RPL8: variants seen among roughly 807,000 people sequenced by gnomAD.
RPL8 encodes the protein ribosomal protein L8, also known as large ribosomal subunit protein uL2.
For missense variants in RPL8, 248 were observed against 365.9 expected (o/e 0.68, Z 2.63); for synonymous variants, 182 against 143.2 (o/e 1.27, Z -1.94).
chr8:144,790,023 G>A (rs569958925), intron 4 of RPL8, 61 bp from the exon 5 acceptor site: 100 of 1,515,404 alleles, frequency 6.6e-5, no homozygotes, highest in Non-Finnish European at 7.2e-5. Flanking sequence ...CCCCGGCCTC[G>A]GGGTCCCACC....
Position 144,791,232 on chromosome 8 carries a change from T to G in RPL8, c.499+45A>C, listed in dbSNP as rs757417339. 1.7e-5 allele frequency: 27 copies of G among 1,580,674 alleles called. No individual in the cohort carries two copies. In the Admixed American group the frequency reaches 2.5e-4, roughly 15 times the overall value. On this transcript the variant is annotated intron_variant, in intron 3 of 4. Coordinates refer to ENST00000528957, the MANE Select transcript of RPL8 (RefSeq NM_001317782.2). Reference sequence around the variant, plus strand: ...TGGCTGTCCACCGGCACTCACAGCATGTTCACCCACAGCCCTCAGCATTCA... The same window carrying G: ...TGGCTGTCCACCGGCACTCACAGCAGGTTCACCCACAGCCCTCAGCATTCA...
Position 144,791,813 on chromosome 8 carries a change from C to T in RPL8, c.240G>A (p.Glu80=). ...KKRTELFIAA[E]GIHTGQFVYC... Reference sequence around the variant, plus strand: ...ACACAAACTGGCCCGTGTGAATGCCCTCGGCGGCAATGAACAGCTCCGTCC... The same window carrying T: ...ACACAAACTGGCCCGTGTGAATGCCTTCGGCGGCAATGAACAGCTCCGTCC... Residue 80 remains glutamate, a synonymous_variant, in exon 2 of 5, where the codon GAG becomes GAA. Coordinates refer to ENST00000528957, the MANE Select transcript of RPL8 (RefSeq NM_001317782.2). 1 of 1,614,024 alleles carries T rather than the reference C, an allele frequency of 6.2e-7. No individual in the cohort carries two copies. The highest frequency in any genetic ancestry group is 8.5e-7 in the Non-Finnish European group (1 of 1,180,040).
In RPL8 at chr8:144,792,217, C is replaced by A; in HGVS notation, c.-88G>T. On this transcript the variant is annotated 5_prime_UTR_variant, in exon 1 of 5. Transcript: ENST00000528957. Reference sequence around the variant, plus strand: ...GCCCGGCTTTCCGGGACCCCGCCCCCGAGGCCGCCGCGCCCACCACTCCCT... The same window carrying A: ...GCCCGGCTTTCCGGGACCCCGCCCCAGAGGCCGCCGCGCCCACCACTCCCT... 2 of 1,388,746 alleles carry A rather than the reference C, an allele frequency of 1.4e-6. No individual in the cohort carries two copies. Among genetic ancestry groups the A allele is most frequent in the South Asian group, 1.6e-5 (1 of 62,608 alleles). The allele number at this position is 1,388,746 out of a possible 1,614,324, so 86.0% of individuals were successfully genotyped here.
chr8:144,791,662 C>T, intron 2 of RPL8, 111 bp downstream of exon 2: 1 of 1,554,596 alleles, frequency 6.4e-7, no homozygotes, highest in South Asian at 1.2e-5. Flanking sequence ...CGGATGTCCC[C>T]ACCTGAAGCT....
chr8:144,790,913 T>C (rs1415380021), intron 3 of RPL8: 1 of 468,710 alleles, frequency 2.1e-6, no homozygotes, highest in Non-Finnish European at 4.1e-6. Flanking sequence ...TAGACTCAAA[T>C]CCTTTTTCAC....
rs1431000477 is a variant in RPL8, at chr8:144,791,492, T to C, written c.284A>G (p.Gln95Arg). 6.2e-7 allele frequency: 1 copy of C among 1,613,490 alleles called. No homozygotes were observed. ...AGGGAGCACATTGCCAATGTTGAGC[T>C]GGGCTGCAAGGGGAAGCAGCATCAG... is the stretch of plus-strand genomic sequence containing the variant. ...GQFVYCGKKA[Q>R]LNIGNVLPVG... Residue 95 changes from glutamine to arginine, a missense_variant, in exon 3 of 5, where the codon CAG (glutamine) becomes CGG (arginine). Coordinates refer to ENST00000528957, the MANE Select transcript of RPL8 (RefSeq NM_001317782.2).
Position 144,791,295 on chromosome 8 carries a change from C to A in RPL8, c.481G>T (p.Ala161Ser). ...TACTCACCAACCACAGCTCTGTTGG[C>A]TGAGGAGATAACCTTCTTGGAGCCG... is the stretch of plus-strand genomic sequence containing the variant. ...PSGSKKVISS[A>S]NRAVVGVVAG... The change falls in exon 3 of 5, where the codon GCC (alanine) becomes TCC (serine). Residue 161 changes from alanine to serine, a missense_variant. By Grantham distance (99) the Ala-to-Ser change is moderately conservative. Coordinates refer to ENST00000528957, the MANE Select transcript of RPL8 (RefSeq NM_001317782.2). 1 of 1,611,684 alleles carries A rather than the reference C, an allele frequency of 6.2e-7. No homozygotes were observed. Among genetic ancestry groups the A allele is most frequent in the Non-Finnish European group, 8.5e-7 (1 of 1,179,864 alleles).
At position 144,792,175 on chromosome 8, in the gene RPL8, C is replaced by G; in HGVS notation, c.-46G>C. 1 of 1,440,434 alleles carries G rather than the reference C, an allele frequency of 6.9e-7. No homozygotes were observed. Among genetic ancestry groups the G allele is most frequent in the Non-Finnish European group, 9.0e-7 (1 of 1,105,692 alleles). The allele number at this position is 1,440,434 out of a possible 1,614,324, so 89.2% of individuals were successfully genotyped here. ...ACTCACGATTAGCGCGGCCGGGCGG[C>G]CCGGGTACCCCCGCCAGCCCGGCTT... is the stretch of plus-strand genomic sequence containing the variant. On this transcript the variant is annotated 5_prime_UTR_variant, in exon 1 of 5. Coordinates refer to ENST00000528957, the MANE Select transcript of RPL8 (RefSeq NM_001317782.2).
At position 144,791,504 on chromosome 8, in the gene RPL8, G is replaced by A. The variant is rs753836646; in HGVS notation, c.281-9C>T. On this transcript the variant is annotated splice_polypyrimidine_tract_variant and intron_variant, in intron 2 of 4. Transcript: ENST00000528957. ...GCCAATGTTGAGCTGGGCTGCAAGG[G>A]GAAGCAGCATCAGGCCGTCAGCACA... The A allele has an allele frequency of 2.2e-5, 36 of 1,612,590 alleles. No homozygotes were observed. The highest frequency in any genetic ancestry group is 1.1e-4 in the African/African-American group (8 of 74,882).
rs761419862 is a variant in RPL8 at position 144,792,067 on chromosome 8, C to A, written c.63G>T (p.Lys21Asn). ...GCAGGCGCGCAGCGCCTTTACGGTG[C>A]TTCACGTGCGCGCGGAACACAGACC... ...GAGSVFRAHV[K>N]HRKGAARLRA... The change falls in exon 1 of 5, where the codon AAG becomes AAT. Residue 21 changes from lysine (K) to asparagine (N), a missense_variant. Physicochemically the swap from Lys to Asn is moderately conservative, Grantham distance 94. Coordinates refer to ENST00000528957, the MANE Select transcript of RPL8 (RefSeq NM_001317782.2). 4 of 1,606,882 alleles carry A rather than the reference C, an allele frequency of 2.5e-6. No individual in the cohort carries two copies. Among genetic ancestry groups the A allele is most frequent in the East Asian group, 4.5e-5 (2 of 44,792 alleles).
rs1185291300 is a variant in RPL8 at position 144,791,512 on chromosome 8, CATCAGGCCGTCAGCACAGTAAGAAACA to C, written c.281-44_281-18del. Reference sequence around the variant, plus strand: ...TGAGCTGGGCTGCAAGGGGAAGCAGCATCAGGCCGTCAGCACAGTAAGAAACAATGCGAACCCCCTCGCTCTAGGCAA... The same window carrying C: ...TGAGCTGGGCTGCAAGGGGAAGCAGCATGCGAACCCCCTCGCTCTAGGCAA... On this transcript the variant is annotated intron_variant, in intron 2 of 4. Transcript: ENST00000528957. The C allele has an allele frequency of 3.7e-6, 6 of 1,611,620 alleles. No individual in the cohort carries two copies. The highest frequency in any genetic ancestry group is 1.6e-4 in the Middle Eastern group (1 of 6,070).
intron 2 of RPL8, 52 bp downstream of exon 2, chr8:144,791,721 A>C: frequency 6.2e-7 from 1 of 1,610,390 alleles, no homozygotes; most frequent in Non-Finnish European, 8.5e-7. Context: ...CTCCTCAGGC[A>C]ACACCCAGAC....
Position 144,792,334 on chromosome 8 carries a change from GC to G in RPL8, c.-206del. The G allele has an allele frequency of 1.3e-6, 1 of 790,786 alleles. No homozygotes were observed. The highest frequency in any genetic ancestry group is 1.8e-6 in the Non-Finnish European group (1 of 565,484). 49.0% of individuals were successfully genotyped at this position (790,786 alleles called of 1,614,324 possible). ...ACGGAAGAGGATGGCGGCGGATACT[GC>G]CCATGCCGCAAGGCCGCAAGGATGA... On this transcript the variant is annotated 5_prime_UTR_variant, in exon 1 of 5. The change abolishes the stop of an existing upstream ORF in the 5' untranslated region. Transcript: ENST00000528957.
In RPL8 at chr8:144,792,187, C is replaced by A; in HGVS notation, c.-58G>T. ...CGCGGCCGGGCGGCCCGGGTACCCCCGCCAGCCCGGCTTTCCGGGACCCCG... is the reference window on the plus strand; with the variant it reads ...CGCGGCCGGGCGGCCCGGGTACCCCAGCCAGCCCGGCTTTCCGGGACCCCG... On this transcript the variant is annotated 5_prime_UTR_variant, in exon 1 of 5. Transcript: ENST00000528957. The A allele has an allele frequency of 7.0e-7, 1 of 1,430,762 alleles. No homozygotes were observed. The allele number at this position is 1,430,762 out of a possible 1,614,324, so 88.6% of individuals were successfully genotyped here. A position where few individuals can be genotyped will look rare whatever the true frequency, so the allele number is the denominator to read the frequency against.
chr8:144,791,325 G>C lies in RPL8; in HGVS notation c.451C>G (p.Pro151Ala), dbSNP rs1164299052. The C allele has an allele frequency of 6.2e-7, 1 of 1,612,632 alleles. No individual in the cohort carries two copies. Among genetic ancestry groups the C allele is most frequent in the Non-Finnish European group, 8.5e-7 (1 of 1,179,940 alleles). The change falls in exon 3 of 5, where the codon CCC becomes GCC. Residue 151 changes from proline to alanine, a missense_variant. By Grantham distance (27) the Pro-to-Ala change is conservative. Coordinates refer to ENST00000528957, the MANE Select transcript of RPL8 (RefSeq NM_001317782.2). ...GAGATAACCTTCTTGGAGCCGGAGG[G>C]CAGCTTCACACGGGTCTTCTTGGTC... ...PETKKTRVKLPSGSKKVISSA... is the reference protein window; with the variant it reads ...PETKKTRVKLASGSKKVISSA...
intron 3 of RPL8, chr8:144,790,794 C>T (rs1391192167): frequency 1.7e-6 from 1 of 588,680 alleles, no homozygotes; most frequent in Non-Finnish European, 3.2e-6. Flanking sequence ...CAGCCTGCCC[C>T]ATCTCAGCTT....
intron 3 of RPL8, 124 bp from the exon 4 acceptor site, chr8:144,790,594 T>A: frequency 1.3e-6 from 1 of 762,016 alleles, no homozygotes; most frequent in South Asian, 1.5e-5. Flanking sequence ...CCCACTCGCC[T>A]CCACCCTAGG....
chr8:144,789,891 G>C lies in RPL8; in HGVS notation c.687C>G (p.Ala229=), dbSNP rs1373691470. ...TGAGACCCACTTTGCGGCCAGCAGG[G>C]GCATCTCTGCGGATGGTGGAGGGCT... ...IGKPSTIRRD[A]PAGRKVGLIA... The change falls in exon 5 of 5, where the codon GCC becomes GCG. Residue 229 remains alanine, a synonymous_variant. Transcript: ENST00000528957. The C allele has an allele frequency of 6.2e-7, 1 of 1,613,312 alleles. No individual in the cohort carries two copies. Among genetic ancestry groups the C allele is most frequent in the African/African-American group, 1.3e-5 (1 of 74,934 alleles).
Position 144,792,341 on chromosome 8 carries a change from C to A in RPL8, c.-212G>T. ...AGGATGGCGGCGGATACTGCCCATG[C>A]CGCAAGGCCGCAAGGATGACCTACC... On this transcript the variant is annotated 5_prime_UTR_variant, in exon 1 of 5. Transcript: ENST00000528957. 1.4e-6 allele frequency: 1 copy of A among 729,028 alleles called. No homozygotes were observed. The highest frequency in any genetic ancestry group is 2.0e-6 in the Non-Finnish European group (1 of 511,756). The allele number at this position is 729,028 out of a possible 1,614,324, so 45.2% of individuals were successfully genotyped here. A position where few individuals can be genotyped will look rare whatever the true frequency, so the allele number is the denominator to read the frequency against.
Sources: gnomAD v4.1 joint callset for allele counts on GRCh38, gnomAD v4.1.1 for gene constraint, MANE v1.5 for transcripts, NCBI Gene and HGNC (gene_info 2026-07-23, HGNC 2026-07-21) for gene names.